Variants in CDYL observed in about 807,000 individuals in gnomAD.
The protein encoded by CDYL is chromodomain Y-like protein.
A neutral mutation model predicts 47.3 loss-of-function variants in CDYL; 8 were observed. The ratio of observed to expected loss-of-function variants is 0.17; its 90% CI spans 0.10 to 0.31. The LOEUF (loss-of-function observed/expected upper bound fraction) is 0.31. CDYL is among the 10% of genes least tolerant of loss of function. CDYL has a pLI of 1.00. For synonymous variants in CDYL, 266 were observed against 265.0 expected (o/e 1.00, Z -0.04); for missense variants, 471 against 701.4 (o/e 0.67, Z 3.71).
At chr6:4,835,067 A>G (rs1252174742) in intron 1 of CDYL, among the ~76,000 whole-genome samples, 3 of 152,062 alleles carry the variant, frequency 2.0e-5, no homozygotes, top group Non-Finnish European at 4.4e-5. Flanking sequence ...TTCTTTTCTC[A>G]ACTCGTCAAA....
chr6:4,736,602 A>C (rs1395299417), intron 3 of CDYL, among the ~76,000 whole-genome samples: 1 of 151,018 alleles, frequency 6.6e-6, no homozygotes, highest in Admixed American at 6.6e-5. Flanking sequence ...TGAGGTTTGC[A>C]GAATCACCTG....
chr6:4,723,142 CAATATA>C (rs960619510), intron 2 of CDYL, among the ~76,000 whole-genome samples: 1 of 152,000 alleles, frequency 6.6e-6, no homozygotes, highest in African/African-American at 2.4e-5. Context: ...AGTAATACAA[CAATATA>C]AATAATACAA....
intron 1 of CDYL, among the ~76,000 whole-genome samples, chr6:4,837,993 A>C (rs1473225491): frequency 6.6e-6 from 1 of 150,438 alleles, no homozygotes; most frequent in East Asian, 2.0e-4. Context: ...ACCCAGGCTC[A>C]TCTCGAACTC....
intron 1 of CDYL, among the ~76,000 whole-genome samples, chr6:4,786,369 G>C (rs1395704956): frequency 6.6e-6 from 1 of 151,296 alleles, no homozygotes; most frequent in Admixed American, 6.5e-5. Flanking sequence ...TAGTGGCCCT[G>C]TGTGCCCTTG....
intron 3 of CDYL, among the ~76,000 whole-genome samples, chr6:4,745,506 G>T (rs531951344): frequency 1.4e-4 from 22 of 152,210 alleles, no homozygotes; most frequent in East Asian, 5.8e-4. Context: ...GGAGGCTGAG[G>T]TGGGCAGAAA....
chr6:4,900,799 A>ATATATG (rs1757016182), intron 2 of CDYL, among the ~76,000 whole-genome samples: 1 of 71,622 alleles, frequency 1.4e-5, no homozygotes, highest in Non-Finnish European at 2.6e-5. Flanking sequence ...ATATATATAT[A>ATATATG]TATATATATA....
In CDYL at chr6:4,823,803, ATATTTG is replaced by A. The variant is rs141161169; in HGVS notation, c.24+47008_24+47013del. 7.6e-3 allele frequency among the ~76,000 whole-genome samples: 1,156 copies of A among 152,330 alleles called. 19 individuals carry two copies. Among genetic ancestry groups the A allele is most frequent in the African/African-American group, 0.027 (1,108 of 41,580 alleles). On this transcript the variant is annotated intron_variant, in intron 1 of 6. Transcript: ENST00000397588. ...ATTCCATGATATTAATCACAATGTT[ATATTTG>A]TATTTGTATTTTATTTGTCTCTCCA...
At chr6:4,795,372 A>C (rs1199887443) in intron 1 of CDYL, among the ~76,000 whole-genome samples, 1 of 152,098 alleles carries the variant, frequency 6.6e-6, no homozygotes, top group Non-Finnish European at 1.5e-5. Context: ...AATCATTGTT[A>C]TAATTAGTCA....
intron 2 of CDYL, among the ~76,000 whole-genome samples, chr6:4,716,478 GT>G (rs1341708371): frequency 6.6e-6 from 1 of 151,670 alleles, no homozygotes; most frequent in Non-Finnish European, 1.5e-5. Context: ...TTGCTCTTTA[GT>G]AACTTTTAAT....
intron 1 of CDYL, among the ~76,000 whole-genome samples, chr6:4,789,785 C>G (rs1375744322): frequency 1.3e-5 from 2 of 152,208 alleles, no homozygotes; most frequent in African/African-American, 2.4e-5. Context: ...CTCACCTGCC[C>G]CTGGGTAGGG....
chr6:4,707,620 C>T (rs1757070654), intron 1 of CDYL, among the ~76,000 whole-genome samples: 1 of 152,128 alleles, frequency 6.6e-6, no homozygotes, highest in Non-Finnish European at 1.5e-5. Context: ...CATCCAAATC[C>T]CTTACCTGGG....
chr6:4,838,110 CTATT>C (rs1760378314), intron 1 of CDYL, among the ~76,000 whole-genome samples: 1 of 152,068 alleles, frequency 6.6e-6, no homozygotes, highest in African/African-American at 2.4e-5. Flanking sequence ...TATCATGTAT[CTATT>C]GTAATGCCTT....
chr6:4,866,984 T>A (rs1432310023), intron 1 of CDYL, among the ~76,000 whole-genome samples: 1 of 152,140 alleles, frequency 6.6e-6, no homozygotes, highest in Non-Finnish European at 1.5e-5. Flanking sequence ...ATGAAAAGCT[T>A]CAAATTTCTG....
chr6:4,837,714 C>T (rs936196719), intron 1 of CDYL, among the ~76,000 whole-genome samples: 1 of 152,044 alleles, frequency 6.6e-6, no homozygotes, highest in Admixed American at 6.6e-5. Context: ...CCACCCACCT[C>T]AGCCTCCCAA....
At chr6:4,784,212 GTTTT>G (rs1176872391) in intron 1 of CDYL, among the ~76,000 whole-genome samples, 1 of 152,048 alleles carries the variant, frequency 6.6e-6, no homozygotes, top group Non-Finnish European at 1.5e-5. Flanking sequence ...TCTGCAATTC[GTTTT>G]TTAAGTCTTT....
chr6:4,837,206 A>G (rs1022704303), intron 1 of CDYL, among the ~76,000 whole-genome samples: 28 of 152,362 alleles, frequency 1.8e-4, no homozygotes, highest in Non-Finnish European at 2.9e-4. Flanking sequence ...TTCTGTGTAC[A>G]TTCCTCACAG....
At chr6:4,923,960 T>G (rs2127511269) in intron 2 of CDYL, among the ~76,000 whole-genome samples, 1 of 152,182 alleles carries the variant, frequency 6.6e-6, no homozygotes, top group East Asian at 1.9e-4. Flanking sequence ...GGAGCATTTT[T>G]TAGAAGTCCC....
chr6:4,882,640 T>C lies in CDYL; in HGVS notation c.25-9073T>C, dbSNP rs140030825. Among the ~76,000 whole-genome samples the C allele has an allele frequency of 3.9e-5, 6 of 152,298 alleles. No homozygotes were observed. In the East Asian group the frequency reaches 1.2e-3, roughly 29 times the overall value. ...GGCTAACAGCTAGGTTGCCACATGG[T>C]TGGCTCTTCCAGCACTGGTCCTGCC... On this transcript the variant is annotated intron_variant, in intron 1 of 6. Coordinates refer to ENST00000397588, the MANE Select transcript of CDYL (RefSeq NM_004824.4).
chr6:4,735,912 G>A (rs955274239), intron 3 of CDYL, among the ~76,000 whole-genome samples: 1 of 152,134 alleles, frequency 6.6e-6, no homozygotes, highest in African/African-American at 2.4e-5. Flanking sequence ...TGATGGGGGG[G>A]GGTGGGATGA....
Sources: allele counts gnomAD v4.1 joint callset (sites outside exome capture counted in the v4.1 genomes callset), GRCh38; gene constraint gnomAD v4.1.1; transcripts MANE v1.5; gene names NCBI Gene and HGNC (gene_info 2026-07-23, HGNC 2026-07-21).